Variants in IQGAP1 observed in about 807,000 individuals in gnomAD.
IQGAP1 encodes IQ motif containing GTPase activating protein 1, also known as ras GTPase-activating-like protein IQGAP1.
A neutral mutation model predicts 215.6 loss-of-function variants in IQGAP1; 66 were observed. The ratio of observed to expected loss-of-function variants is 0.31; its 90% CI spans 0.25 to 0.38. The LOEUF is 0.38. IQGAP1 is among the 10% of genes least tolerant of loss of function. The pLI, the probability that IQGAP1 is intolerant of heterozygous loss-of-function variation, is 1.00. For synonymous variants in IQGAP1, 772 were observed against 728.7 expected (o/e 1.06, Z -0.96); for missense variants, 1,712 against 1,997.1 (o/e 0.86, Z 2.72).
At chr15:90,451,210 A>T (rs1468009598) in intron 11 of IQGAP1, among the ~76,000 whole-genome samples, 1 of 152,152 alleles carries the variant, frequency 6.6e-6, no homozygotes. Flanking sequence ...AACACCATTT[A>T]TTGAAGAGAC....
intron 2 of IQGAP1, among the ~76,000 whole-genome samples, chr15:90,395,415 G>A (rs1242047206): frequency 6.6e-6 from 1 of 151,990 alleles, no homozygotes; most frequent in Non-Finnish European, 1.5e-5. Flanking sequence ...CCGCCTCCCA[G>A]GTTAACGCCA....
At chr15:90,448,763 A>G (rs1965559493) in intron 10 of IQGAP1, 27 bp downstream of exon 10, 2 of 1,509,140 alleles carry the variant, frequency 1.3e-6, no homozygotes, top group Non-Finnish European at 1.8e-6. Flanking sequence ...TTGAAGCTGC[A>G]AGAGTTTGTA....
At chr15:90,461,182 C>T (rs1436239959) in intron 15 of IQGAP1, among the ~76,000 whole-genome samples, 1 of 151,888 alleles carries the variant, frequency 6.6e-6, no homozygotes, top group Non-Finnish European at 1.5e-5. Context: ...GTGGCAGGCA[C>T]CTGTAATCGC....
rs777680898 is a variant in IQGAP1 at position 90,388,420 on chromosome 15, G to C, written c.55+24G>C. On this transcript the variant is annotated intron_variant, in intron 1 of 37. Coordinates refer to ENST00000268182, the MANE Select transcript of IQGAP1 (RefSeq NM_003870.4). ...CTGTGAGTGCGGGGCTCCGCGGCGC[G>C]GGGGCTTCGGGCTGGGCTAATTGCA... The C allele has an allele frequency of 1.9e-6, 3 of 1,560,310 alleles. No individual in the cohort carries two copies. The South Asian group carries it at 3.4e-5, about 18-fold the overall frequency.
intron 15 of IQGAP1, 22 bp from the exon 16 acceptor site, chr15:90,465,979 T>C (rs1362114632): frequency 1.3e-6 from 2 of 1,587,114 alleles, no homozygotes; most frequent in Non-Finnish European, 1.7e-6. Flanking sequence ...GACTTTAATA[T>C]TTTGCTTTTA....
intron 14 of IQGAP1, among the ~76,000 whole-genome samples, chr15:90,455,652 C>T (rs1432792951): frequency 6.6e-6 from 1 of 152,220 alleles, no homozygotes; most frequent in South Asian, 2.1e-4. Context: ...AAGAGCCTTG[C>T]TTCGCATTAG....
intron 8 of IQGAP1, 57 bp downstream of exon 8, chr15:90,441,741 T>G (rs1301519072): frequency 4.1e-5 from 51 of 1,236,012 alleles, no homozygotes; most frequent in Non-Finnish European, 5.7e-5. Flanking sequence ...TCATTTGATA[T>G]GGCTCCAGTT....
At chr15:90,493,729 T>C (rs1360175111) in intron 35 of IQGAP1, among the ~76,000 whole-genome samples, 1 of 152,190 alleles carries the variant, frequency 6.6e-6, no homozygotes, top group Admixed American at 6.5e-5. Flanking sequence ...GCATGGGTGA[T>C]GGAAGGGATG....
At chr15:90,410,387 G>A (rs1056408456) in intron 2 of IQGAP1, among the ~76,000 whole-genome samples, 14 of 152,126 alleles carry the variant, frequency 9.2e-5, no homozygotes, top group African/African-American at 3.4e-4. Context: ...ACATGCGCAC[G>A]TATGTTTACT....
chr15:90,403,735 G>T (rs1964836825), intron 2 of IQGAP1, among the ~76,000 whole-genome samples: 1 of 152,280 alleles, frequency 6.6e-6, no homozygotes, highest in South Asian at 2.1e-4. Flanking sequence ...GTGCAGTGGT[G>T]TGATCTCGGC....
In IQGAP1 at chr15:90,474,150, G is replaced by T; in HGVS notation, c.2575+17G>T. 6.3e-7 allele frequency: 1 copy of T among 1,597,936 alleles called. No homozygotes were observed. The highest frequency in any genetic ancestry group is 8.5e-7 in the Non-Finnish European group (1 of 1,171,626). ...AGACTCTCAGTGAGTAACTGGCTCCGCATGAAGAGTTGAGGCAGTGGCTGG... is the reference window on the plus strand; with the variant it reads ...AGACTCTCAGTGAGTAACTGGCTCCTCATGAAGAGTTGAGGCAGTGGCTGG... On this transcript the variant is annotated intron_variant, in intron 22 of 37. Coordinates refer to ENST00000268182, the MANE Select transcript of IQGAP1 (RefSeq NM_003870.4).
At chr15:90,423,620 T>G (rs1199618622) in intron 2 of IQGAP1, among the ~76,000 whole-genome samples, 1 of 152,212 alleles carries the variant, frequency 6.6e-6, no homozygotes, top group African/African-American at 2.4e-5. Context: ...TGTGGTGAGG[T>G]GACTTGGAAG....
rs1016883721 is a variant in IQGAP1, at chr15:90,388,268, A to G, written c.-74A>G. 36 of 1,529,590 alleles carry G rather than the reference A, an allele frequency of 2.4e-5. No individual in the cohort carries two copies. Among genetic ancestry groups the G allele is most frequent in the Admixed American group, 3.5e-5 (2 of 57,434 alleles). 94.8% of individuals were successfully genotyped at this position (1,529,590 alleles called of 1,614,324 possible). Reference sequence around the variant, plus strand: ...ACCCCGGCAAGCCCGCGCACTTGGCAGGAGCTGTAGCTACCGCCGTCCGCG... The same window carrying G: ...ACCCCGGCAAGCCCGCGCACTTGGCGGGAGCTGTAGCTACCGCCGTCCGCG... On this transcript the variant is annotated 5_prime_UTR_variant, in exon 1 of 38. Transcript: ENST00000268182.
intron 15 of IQGAP1, among the ~76,000 whole-genome samples, chr15:90,459,288 A>G (rs1567133368): frequency 6.6e-6 from 1 of 152,268 alleles, no homozygotes; most frequent in Non-Finnish European, 1.5e-5. Context: ...CAGCATAAAA[A>G]GAGGCATAAA....
In IQGAP1 at chr15:90,487,487, C is replaced by T; in HGVS notation, c.4161-8C>T. 4 of 1,607,112 alleles carry T rather than the reference C, an allele frequency of 2.5e-6. No individual in the cohort carries two copies. The highest frequency in any genetic ancestry group is 3.4e-6 in the Non-Finnish European group (4 of 1,173,744). On this transcript the variant is annotated splice_region_variant and splice_polypyrimidine_tract_variant and intron_variant, in intron 32 of 37. Transcript: ENST00000268182. ...TAATATTTAAATGCCTCCCCCATCTCGTTTCAGTACAAAACGTTTAATTGT... is the reference window on the plus strand; with the variant it reads ...TAATATTTAAATGCCTCCCCCATCTTGTTTCAGTACAAAACGTTTAATTGT...
chr15:90,405,491 A>G (rs1323390719), intron 2 of IQGAP1, among the ~76,000 whole-genome samples: 3 of 152,334 alleles, frequency 2.0e-5, no homozygotes, highest in Middle Eastern at 3.4e-3. Context: ...GGAGAGTGCA[A>G]ATTTGGAGTT....
In IQGAP1 at chr15:90,467,606, C is replaced by G. The variant is rs1356792271; in HGVS notation, c.2178+14C>G. On this transcript the variant is annotated intron_variant, in intron 18 of 37. Coordinates refer to ENST00000268182, the MANE Select transcript of IQGAP1 (RefSeq NM_003870.4). ...GAGGAGATCCAGGTAGGTTACCTTT[C>G]TTCACGTAAGAAGAAGCTGAGAGAA... 1 of 1,599,098 alleles carries G rather than the reference C, an allele frequency of 6.3e-7. No homozygotes were observed. The highest frequency in any genetic ancestry group is 8.5e-7 in the Non-Finnish European group (1 of 1,175,156).
At chr15:90,440,703 T>A in intron 7 of IQGAP1, 88 bp downstream of exon 7, 1 of 813,028 alleles carries the variant, frequency 1.2e-6, no homozygotes, top group South Asian at 1.7e-5. Flanking sequence ...TAGGACATTA[T>A]GAATCTTGCC....
Position 90,448,277 on chromosome 15 carries a change from T to C in IQGAP1, c.914-296T>C, listed in dbSNP as rs113413883. On this transcript the variant is annotated intron_variant, in intron 9 of 37. Transcript: ENST00000268182. ...AATTTAAGCGTCATGTTGGTCTGGA[T>C]TGGTGGCTCCATATTGGTGCTGAGC... Among the ~76,000 whole-genome samples the C allele has an allele frequency of 1.3e-4, 20 of 152,292 alleles. 1 individual carries two copies. The highest frequency in any genetic ancestry group is 2.9e-4 in the African/African-American group (12 of 41,556).
Sources: allele counts gnomAD v4.1 joint callset (sites outside exome capture counted in the v4.1 genomes callset), GRCh38; gene constraint gnomAD v4.1.1; transcripts MANE v1.5; gene names NCBI Gene and HGNC (gene_info 2026-07-23, HGNC 2026-07-21).